The following TRPM6 variants were observed in gnomAD, a reference collection of about 807,000 sequenced individuals.
TRPM6 encodes the protein transient receptor potential cation channel subfamily M member 6.
In TRPM6, 111 loss-of-function variants were observed where a neutral mutation model predicts 247.6. The observed-to-expected ratio is 0.45, with a 90% CI of 0.38 to 0.52. The LOEUF (loss-of-function observed/expected upper bound fraction) is 0.52. TRPM6 is among the 20% of genes least tolerant of loss of function. TRPM6 has a pLI of 0.00. For missense variants in TRPM6, 2,126 were observed against 2,421.5 expected (o/e 0.88, Z 2.56); for synonymous variants, 892 against 853.8 (o/e 1.04, Z -0.78).
chr9:74,835,867 T>C (rs1482208705), intron 5 of TRPM6, among the ~76,000 whole-genome samples: 3 of 152,096 alleles, frequency 2.0e-5, no homozygotes, highest in Non-Finnish European at 4.4e-5. Context: ...TGCCATGCCC[T>C]GCTCCCACAC....
intron 11 of TRPM6, among the ~76,000 whole-genome samples, chr9:74,814,621 T>C (rs115587438): frequency 0.014 from 2,093 of 152,142 alleles, 52 homozygotes; most frequent in African/African-American, 0.049. Context: ...AAGAAATTAA[T>C]AGATTCATAG....
chr9:74,792,648 T>A lies in TRPM6; in HGVS notation c.2514A>T (p.Pro838=). 6.2e-7 allele frequency: 1 copy of A among 1,614,162 alleles called. No individual in the cohort carries two copies. Among genetic ancestry groups the A allele is most frequent in the East Asian group, 2.2e-5 (1 of 44,876 alleles). The change falls in exon 19 of 39, where the codon CCA becomes CCT. Residue 838 remains proline (P), a synonymous_variant. Coordinates refer to ENST00000360774, the MANE Select transcript of TRPM6 (RefSeq NM_017662.5). ...TRKVYEFYSA[P]IVKFWFYTMA... is the part of the protein sequence containing the mutation. ...CCGTATAAAACCAAAACTTGACAATTGGAGCACTGTAGAACTCATAGACTT... is the reference window on the plus strand; with the variant it reads ...CCGTATAAAACCAAAACTTGACAATAGGAGCACTGTAGAACTCATAGACTT...
At chr9:74,833,310 A>G (rs1829606237) in intron 6 of TRPM6, among the ~76,000 whole-genome samples, 1 of 152,206 alleles carries the variant, frequency 6.6e-6, no homozygotes, top group Non-Finnish European at 1.5e-5. Context: ...TATTTTACCA[A>G]AAAATTATAT....
chr9:74,803,770 AG>A (rs1231384185), intron 15 of TRPM6, 23 bp downstream of exon 15: 6 of 1,542,912 alleles, frequency 3.9e-6, no homozygotes, highest in Non-Finnish European at 5.4e-6. Context: ...TTTCCTTTCA[AG>A]TTGAAAAACA....
chr9:74,876,446 T>C (rs539878548), intron 1 of TRPM6, among the ~76,000 whole-genome samples: 36 of 152,364 alleles, frequency 2.4e-4, no homozygotes, highest in African/African-American at 8.2e-4. Context: ...ATTTTGTTTA[T>C]TAACTCACTT....
Position 74,802,123 on chromosome 9 carries a change from A to G in TRPM6, c.1784T>C (p.Val595Ala), listed in dbSNP as rs747359945. 8.1e-6 allele frequency: 13 copies of G among 1,614,154 alleles called. No homozygotes were observed. The highest frequency in any genetic ancestry group is 1.0e-5 in the Non-Finnish European group (12 of 1,179,996). ...KSRKKSKEQN[V>A]SDDPESTGFL... Reference sequence around the variant, plus strand: ...GCCAGTAGACTCAGGGTCATCTGATACATTTTGTTCTTTTGACTTCTTCCT... The same window carrying G: ...GCCAGTAGACTCAGGGTCATCTGATGCATTTTGTTCTTTTGACTTCTTCCT... Residue 595 changes from valine to alanine, a missense_variant, in exon 16 of 39, where the codon GTA becomes GCA. Val to Ala is a moderately conservative substitution (Grantham distance 64). This residue lies in a region of TRPM6 where 1,082 missense variants were observed against 1,307.9 expected (regional missense o/e 0.83). Coordinates refer to ENST00000360774, the MANE Select transcript of TRPM6 (RefSeq NM_017662.5).
chr9:74,793,050 G>T lies in TRPM6; in HGVS notation c.2392-280C>A, dbSNP rs192330399. Among the ~76,000 whole-genome samples the T allele has an allele frequency of 3.9e-5, 6 of 152,176 alleles. 1 individual carries two copies. Among genetic ancestry groups the T allele is most frequent in the Admixed American group, 1.3e-4 (2 of 15,278 alleles). ...CACATATCTGCAATCCCAACTACTT[G>T]GGAGGCTGAGCAAAAGAATCGCTTG... On this transcript the variant is annotated intron_variant, in intron 18 of 38. Coordinates refer to ENST00000360774, the MANE Select transcript of TRPM6 (RefSeq NM_017662.5).
chr9:74,812,339 C>T lies in TRPM6; in HGVS notation c.1403G>A (p.Arg468His), dbSNP rs373324464. ...LLIEYGVNLH[R>H]FLTIPRLEEL... ...TTCCAGTCGAGGGATGGTAAGAAAG[C>T]GATGGAGGTTCACTCCATATTCTAT... Residue 468 changes from arginine to histidine, a missense_variant, in exon 12 of 39, where the codon CGC (arginine) becomes CAC (histidine). Physicochemically the swap from Arg to His is conservative, Grantham distance 29. Transcript: ENST00000360774. The T allele has an allele frequency of 1.9e-5, 30 of 1,613,422 alleles. No individual in the cohort carries two copies. The Admixed American group carries it at 3.5e-4, about 19-fold the overall frequency.
At chr9:74,752,210 T>G in intron 29 of TRPM6, 67 bp downstream of exon 29, 2 of 870,250 alleles carry the variant, frequency 2.3e-6, no homozygotes, top group South Asian at 2.8e-5. Flanking sequence ...AAAGGTAAAA[T>G]GGGCGTAGTC....
At chr9:74,738,736 C>T in intron 35 of TRPM6, 124 bp from the exon 36 acceptor site, 2 of 835,220 alleles carry the variant, frequency 2.4e-6, no homozygotes, top group East Asian at 2.6e-5. Flanking sequence ...ATGCACATGC[C>T]CTTGCCCTTT....
intron 1 of TRPM6, among the ~76,000 whole-genome samples, chr9:74,879,420 G>A (rs550472585): frequency 1.2e-4 from 19 of 152,044 alleles, no homozygotes; most frequent in African/African-American, 4.1e-4. Context: ...ATGGTTCCTT[G>A]TTAATAACTC....
intron 3 of TRPM6, among the ~76,000 whole-genome samples, chr9:74,852,776 G>A (rs1830378313): frequency 6.6e-6 from 1 of 152,204 alleles, no homozygotes; most frequent in African/African-American, 2.4e-5. Context: ...TGCAGACGGA[G>A]TCTCGCTCAC....
chr9:74,739,103 G>A (rs1399210369), intron 35 of TRPM6, among the ~76,000 whole-genome samples: 3 of 152,158 alleles, frequency 2.0e-5, no homozygotes, highest in African/African-American at 7.2e-5. Flanking sequence ...CCCAAGATCT[G>A]TCTGTTTCCC....
At chr9:74,755,324 T>G (rs752894281) in intron 28 of TRPM6, 29 bp downstream of exon 28, 1 of 1,612,992 alleles carries the variant, frequency 6.2e-7, no homozygotes, top group Non-Finnish European at 8.5e-7. Flanking sequence ...CCAGGGTTTT[T>G]GGGATCCAAA....
chr9:74,830,272 A>G (rs1034579209), intron 6 of TRPM6, among the ~76,000 whole-genome samples: 2 of 152,184 alleles, frequency 1.3e-5, no homozygotes, highest in East Asian at 1.9e-4. Context: ...GTATTATTTT[A>G]TACCTTAACA....
intron 1 of TRPM6, among the ~76,000 whole-genome samples, chr9:74,877,512 T>G (rs1466105016): frequency 2.0e-5 from 3 of 152,064 alleles, no homozygotes; most frequent in Non-Finnish European, 4.4e-5. Flanking sequence ...AGGTGCCATT[T>G]TTAGAGTCCA....
intron 25 of TRPM6, among the ~76,000 whole-genome samples, chr9:74,769,304 C>A (rs1383396132): frequency 6.6e-6 from 1 of 152,116 alleles, no homozygotes. Flanking sequence ...TGCCACCACT[C>A]CCAGCTAATT....
At chr9:74,745,727 A>T (rs1826023564) in intron 31 of TRPM6, among the ~76,000 whole-genome samples, 1 of 152,206 alleles carries the variant, frequency 6.6e-6, no homozygotes, top group Non-Finnish European at 1.5e-5. Flanking sequence ...ATGCACTGAC[A>T]GAAATGAGGT....
chr9:74,796,907 A>G lies in TRPM6; in HGVS notation c.2239-14T>C. Reference sequence around the variant, plus strand: ...GCTTATAATAATCTGTAAAAGAAAAAAAAGCAAAACAAAGTAGTAGGGACT... The same window carrying G: ...GCTTATAATAATCTGTAAAAGAAAAGAAAGCAAAACAAAGTAGTAGGGACT... On this transcript the variant is annotated splice_polypyrimidine_tract_variant and intron_variant, in intron 17 of 38. Coordinates refer to ENST00000360774, the MANE Select transcript of TRPM6 (RefSeq NM_017662.5). 6.2e-7 allele frequency: 1 copy of G among 1,611,312 alleles called. No individual in the cohort carries two copies. Among genetic ancestry groups the G allele is most frequent in the Non-Finnish European group, 8.5e-7 (1 of 1,177,574 alleles).
Sources: allele counts gnomAD v4.1 joint callset (sites outside exome capture counted in the v4.1 genomes callset), GRCh38; gene constraint gnomAD v4.1.1; regional missense constraint gnomAD v4.1.1; transcripts MANE v1.5; gene names NCBI Gene and HGNC (gene_info 2026-07-23, HGNC 2026-07-21).